ADGRL2: variants seen among roughly 807,000 people sequenced by gnomAD.
ADGRL2 encodes calcium-independent alpha-latrotoxin receptor 2.
Under a neutral mutation model 157.4 loss-of-function variants are expected in ADGRL2, and 44 were observed. The ratio of observed to expected loss-of-function variants is 0.28; its 90% confidence interval spans 0.22 to 0.36. The LOEUF is 0.36. ADGRL2 is among the 10% of genes least tolerant of loss of function. ADGRL2 has a pLI of 1.00. For synonymous variants in ADGRL2, 585 were observed against 624.7 expected, an observed-to-expected ratio of 0.94 and a Z score of 0.95; for missense variants, 1,510 against 1,768.9, an observed-to-expected ratio of 0.85 and a Z score of 2.63.
chr1:81,953,251 A>T (rs1210927107), intron 10 of ADGRL2, among the ~76,000 whole-genome samples: 1 of 152,170 alleles, frequency 6.6e-6, no homozygotes, highest in African/African-American at 2.4e-5. Flanking sequence ...AAAGTACACG[A>T]ATTTTAATGA....
chr1:81,706,458 G>A (rs2083741260), intron 1 of ADGRL2, among the ~76,000 whole-genome samples: 1 of 152,110 alleles, frequency 6.6e-6, no homozygotes, highest in South Asian at 2.1e-4. Context: ...CGTAATGAGT[G>A]TTTTAGGTGC....
chr1:81,491,804 C>T (rs1193904839), intron 2 of ADGRL2, among the ~76,000 whole-genome samples: 1 of 152,124 alleles, frequency 6.6e-6, no homozygotes, highest in Non-Finnish European at 1.5e-5. Flanking sequence ...ATCAAGAGAA[C>T]CCCAGATTTA....
chr1:81,690,091 GC>G (rs2148986490), intron 3 of ADGRL2, among the ~76,000 whole-genome samples: 1 of 152,336 alleles, frequency 6.6e-6, no homozygotes, highest in Admixed American at 6.5e-5. Flanking sequence ...TTGATGAGAA[GC>G]AGGGATTGAC....
chr1:81,707,030 T>A (rs963550072), intron 1 of ADGRL2, among the ~76,000 whole-genome samples: 1 of 152,136 alleles, frequency 6.6e-6, no homozygotes, highest in Admixed American at 6.6e-5. Context: ...AAATAGGGAC[T>A]ACCTCAAAGG....
chr1:81,500,979 G>T (rs1015868557), intron 2 of ADGRL2, among the ~76,000 whole-genome samples: 3 of 152,140 alleles, frequency 2.0e-5, no homozygotes, highest in African/African-American at 7.2e-5. Flanking sequence ...ATTCGAGTCA[G>T]ATCTCCAAAT....
At chr1:81,516,157 C>T (rs1318696724) in intron 2 of ADGRL2, among the ~76,000 whole-genome samples, 1 of 152,094 alleles carries the variant, frequency 6.6e-6, no homozygotes, top group Admixed American at 6.5e-5. Flanking sequence ...AGAATAAATG[C>T]CCATAAGTGA....
chr1:81,317,563 T>C (rs745406876), intron 1 of ADGRL2, among the ~76,000 whole-genome samples: 37 of 152,240 alleles, frequency 2.4e-4, no homozygotes, highest in Non-Finnish European at 4.8e-4. Context: ...TGGAACATAG[T>C]AACTCCTCTG....
At chr1:81,971,992 T>C in intron 17 of ADGRL2, 74 bp downstream of exon 17, 1 of 846,012 alleles carries the variant, frequency 1.2e-6, no homozygotes, top group South Asian at 1.6e-5. Context: ...GATAATTTGT[T>C]TTATTGTTTG....
intron 1 of ADGRL2, among the ~76,000 whole-genome samples, chr1:81,309,096 G>A (rs1168354997): frequency 1.3e-5 from 2 of 152,172 alleles, no homozygotes; most frequent in African/African-American, 4.8e-5. Context: ...AACTTCAGGA[G>A]TGTTCACTGG....
At chr1:81,613,078 A>G (rs926492170) in intron 3 of ADGRL2, among the ~76,000 whole-genome samples, 6 of 152,200 alleles carry the variant, frequency 3.9e-5, no homozygotes, top group Non-Finnish European at 8.8e-5. Flanking sequence ...TTTTAAAAGT[A>G]TGGACTCTGG....
At chr1:81,605,965 T>C (rs1024816272) in intron 3 of ADGRL2, among the ~76,000 whole-genome samples, 1 of 152,164 alleles carries the variant, frequency 6.6e-6, no homozygotes, top group Non-Finnish European at 1.5e-5. Flanking sequence ...TATCCCAACC[T>C]CTTTATTAAT....
intron 3 of ADGRL2, among the ~76,000 whole-genome samples, chr1:81,647,805 C>T (rs1470932393): frequency 3.9e-5 from 6 of 152,148 alleles, no homozygotes; most frequent in Admixed American, 1.3e-4. Context: ...AGTTGCTATT[C>T]CATGCAGTTT....
At chr1:81,581,254 A>G (rs1022423235) in intron 3 of ADGRL2, among the ~76,000 whole-genome samples, 5 of 152,196 alleles carry the variant, frequency 3.3e-5, no homozygotes, top group Admixed American at 2.0e-4. Context: ...TTGTACATTA[A>G]TGTTATAGTA....
Position 81,427,009 on chromosome 1 carries a change from GAA to G in ADGRL2, c.-301-18025_-301-18024del, listed in dbSNP as rs1291169866. On this transcript the variant is annotated intron_variant, in intron 1 of 24. Transcript: ENST00000370721. ...ATACAGTTGATAACATTGTTATTCA[GAA>G]ATACCACAGTTGATAACATTGTTAT... 5 of 993,594 alleles carry G rather than the reference GAA, an allele frequency of 5.0e-6. No homozygotes were observed. The African/African-American group carries it at 6.3e-5, about 13-fold the overall frequency. 61.5% of individuals were successfully genotyped at this position (993,594 alleles called of 1,614,324 possible). A position where few individuals can be genotyped will look rare whatever the true frequency, so the allele number is the denominator to read the frequency against.
At chr1:81,889,804 G>A (rs1252325865) in intron 2 of ADGRL2, among the ~76,000 whole-genome samples, 1 of 152,128 alleles carries the variant, frequency 6.6e-6, no homozygotes, top group African/African-American at 2.4e-5. Context: ...AATGCAGCTG[G>A]TGACTTTAAG....
At chr1:81,772,507 T>A (rs936980539) in intron 2 of ADGRL2, among the ~76,000 whole-genome samples, 1 of 152,008 alleles carries the variant, frequency 6.6e-6, no homozygotes, top group Admixed American at 6.6e-5. Flanking sequence ...GGCGGGTAGA[T>A]CACCTGAGGT....
In ADGRL2 at chr1:81,741,053, T is replaced by G. The variant is rs557295202; in HGVS notation, c.-142-20758T>G. Among the ~76,000 whole-genome samples, 15 of 152,066 alleles carry G rather than the reference T, an allele frequency of 9.9e-5. No homozygotes were observed. The East Asian group carries it at 2.9e-3, about 29-fold the overall frequency. ...ATGTTTTCAGTATACTGAATGGTCT[T>G]ATGTCCGTTTTGTGTATTATAGGCC... On this transcript the variant is annotated intron_variant, in intron 1 of 20. Coordinates refer to the ADGRL2 transcript ENST00000359929.
chr1:81,337,275 C>T (rs999440334), intron 1 of ADGRL2, among the ~76,000 whole-genome samples: 5 of 152,204 alleles, frequency 3.3e-5, no homozygotes, highest in African/African-American at 9.6e-5. Flanking sequence ...ACGCGTAAGA[C>T]ATTCACGGAT....
intron 1 of ADGRL2, among the ~76,000 whole-genome samples, chr1:81,312,959 A>G (rs554027017): frequency 1.3e-5 from 2 of 152,216 alleles, no homozygotes; most frequent in Non-Finnish European, 2.9e-5. Context: ...GGAGAGTATT[A>G]TTGAATCTCT....
Sources: allele counts gnomAD v4.1 joint callset (sites outside exome capture counted in the v4.1 genomes callset), GRCh38; gene constraint gnomAD v4.1.1; transcripts MANE v1.5; gene names NCBI Gene and HGNC (gene_info 2026-07-23, HGNC 2026-07-21).